Variants in DHX8 observed in about 807,000 individuals in gnomAD.
DHX8 encodes the protein DEAH-box helicase 8.
DHX8 carries 67 observed loss-of-function variants against 140.7 expected under a neutral mutation model. The observed-to-expected ratio is 0.48, with a 90% CI of 0.39 to 0.58. DHX8 has a LOEUF of 0.58. DHX8 is among the 20% of genes least tolerant of loss of function. The pLI is 0.00. For missense variants in DHX8, 887 were observed against 1,550.7 expected, an observed-to-expected ratio of 0.57 and a Z score of 7.19; for synonymous variants, 533 against 553.2, an observed-to-expected ratio of 0.96 and a Z score of 0.51.
chr17:43,500,549 A>G (rs1343148650), intron 11 of DHX8, among the ~76,000 whole-genome samples: 1 of 152,134 alleles, frequency 6.6e-6, no homozygotes, highest in East Asian at 1.9e-4. Flanking sequence ...TTTCTTAAAC[A>G]CATGTTTAAA....
Position 43,540,099 on chromosome 17 carries a change from C to T in DHX8, c.*20+3601C>T, listed in dbSNP as rs867941709. Among the ~76,000 whole-genome samples, 5 of 152,148 alleles carry T rather than the reference C, an allele frequency of 3.3e-5. No homozygotes were observed. In the South Asian group the frequency reaches 6.2e-4, roughly 19 times the overall value. On this transcript the variant is annotated intron_variant, in intron 3 of 3. Coordinates refer to the DHX8 transcript ENST00000589898. ...ACACATCTTTTCAGGAGCACAAACA[C>T]GGCAAAAAGACAACCATTCCCAAAC...
intron 10 of DHX8, among the ~76,000 whole-genome samples, 171 bp downstream of exon 10, chr17:43,499,130 A>T (rs952800040): frequency 1.3e-5 from 2 of 152,152 alleles, no homozygotes; most frequent in Non-Finnish European, 2.9e-5. Flanking sequence ...GGTTGGCTTT[A>T]TTGCTTTTGC....
chr17:43,484,302 C>G, intron 1 of DHX8, 117 bp downstream of exon 1: 1 of 1,279,586 alleles, frequency 7.8e-7, no homozygotes, highest in Non-Finnish European at 1.1e-6. Flanking sequence ...ATCTGTCTCT[C>G]TCTGTCGCAG....
chr17:43,513,348 C>T lies in DHX8; in HGVS notation c.2503-14C>T, dbSNP rs1243230018. On this transcript the variant is annotated splice_polypyrimidine_tract_variant and intron_variant, in intron 16 of 22. Coordinates refer to ENST00000262415, the MANE Select transcript of DHX8 (RefSeq NM_004941.3). ...CTGGGCACCTCACTCCAGCTTTGCC[C>T]CTCTTGCCTGCAGGTTGTGATTGCC... The T allele has an allele frequency of 1.9e-6, 3 of 1,611,436 alleles. No homozygotes were observed. Among genetic ancestry groups the T allele is most frequent in the East Asian group, 4.5e-5 (2 of 44,688 alleles).
chr17:43,492,690 AAAG>A lies in DHX8; in HGVS notation c.523_525del (p.Lys175del), dbSNP rs1190861468. On this transcript the variant is annotated inframe_deletion, in exon 6 of 23. Coordinates refer to ENST00000262415, the MANE Select transcript of DHX8 (RefSeq NM_004941.3). The stretch of plus-strand genomic sequence containing the variant: ...CTTATTGATTTGTTAGGGACAGGAC[AAAG>A]AAGAAGAAGCGGAGTCGAAGCCGAG... 7.7e-6 allele frequency: 12 copies of A among 1,559,874 alleles called. No homozygotes were observed. The highest frequency in any genetic ancestry group is 4.4e-5 in the South Asian group (4 of 89,998).
At chr17:43,500,852 A>G (rs1293179774) in intron 11 of DHX8, among the ~76,000 whole-genome samples, 2 of 152,102 alleles carry the variant, frequency 1.3e-5, no homozygotes, top group African/African-American at 4.8e-5. Context: ...CGGAGGTTGC[A>G]GTGAGCCAAG....
chr17:43,524,477 A>T lies in DHX8; in HGVS notation c.*630A>T, dbSNP rs1221419050. On this transcript the variant is annotated 3_prime_UTR_variant, in exon 23 of 23. Coordinates refer to ENST00000262415, the MANE Select transcript of DHX8 (RefSeq NM_004941.3). ...CAGGGCCTCTTTGCGCTCGGAAACG[A>T]CGTACAACCCAGACTTCCAGCCTTG... The T allele has an allele frequency of 1.0e-6, 1 of 987,462 alleles. No individual in the cohort carries two copies. Among genetic ancestry groups the T allele is most frequent in the African/African-American group, 1.7e-5 (1 of 57,212 alleles). 61.2% of individuals were successfully genotyped at this position (987,462 alleles called of 1,614,324 possible).
At chr17:43,516,017 T>G (rs1483093886) in intron 17 of DHX8, among the ~76,000 whole-genome samples, 2 of 152,168 alleles carry the variant, frequency 1.3e-5, no homozygotes, top group African/African-American at 4.8e-5. Context: ...AAGTAGTGTT[T>G]TATTATTTTT....
intron 17 of DHX8, among the ~76,000 whole-genome samples, 173 bp downstream of exon 17, chr17:43,513,675 C>T (rs897768573): frequency 1.3e-5 from 2 of 150,192 alleles, no homozygotes; most frequent in Non-Finnish European, 1.5e-5. Context: ...CTTTTTTTAT[C>T]CCTGAAGTCT....
chr17:43,487,769 G>C (rs1262080863), intron 1 of DHX8, among the ~76,000 whole-genome samples: 4 of 152,104 alleles, frequency 2.6e-5, no homozygotes, highest in Non-Finnish European at 2.9e-5. Context: ...CTGAGGTCAG[G>C]AGTTCAAGAC....
intron 21 of DHX8, 121 bp downstream of exon 21, chr17:43,521,686 C>G (rs1354229725): frequency 7.3e-6 from 7 of 959,136 alleles, no homozygotes; most frequent in Non-Finnish European, 1.1e-5. Flanking sequence ...TCACATAACC[C>G]TTTTCCTCCA....
At chr17:43,532,935 C>A in intron 2 of DHX8, 1 of 1,564,992 alleles carries the variant, frequency 6.4e-7, no homozygotes, top group Non-Finnish European at 8.7e-7. Flanking sequence ...TGCTGGAAGA[C>A]GGAGCTGGAT....
chr17:43,538,214 G>A (rs1434483400), intron 3 of DHX8, among the ~76,000 whole-genome samples: 2 of 151,916 alleles, frequency 1.3e-5, no homozygotes, highest in Non-Finnish European at 2.9e-5. Context: ...GGCTGAGACA[G>A]GAGAATAACT....
At chr17:43,542,117 C>A (rs796881715) in intron 3 of DHX8, among the ~76,000 whole-genome samples, 8 of 152,152 alleles carry the variant, frequency 5.3e-5, no homozygotes, top group African/African-American at 1.9e-4. Context: ...GGACTGGAGC[C>A]CTTGGAGGAG....
intron 2 of DHX8, among the ~76,000 whole-genome samples, chr17:43,534,488 C>T (rs1052681692): frequency 9.2e-5 from 14 of 151,922 alleles, no homozygotes; most frequent in Non-Finnish European, 1.9e-4. Context: ...AGCGAGACTC[C>T]GTCTCAAAAA....
At chr17:43,514,409 C>T (rs771914556) in intron 17 of DHX8, among the ~76,000 whole-genome samples, 2 of 151,856 alleles carry the variant, frequency 1.3e-5, no homozygotes, top group Non-Finnish European at 2.9e-5. Flanking sequence ...ATCCTAGTAC[C>T]CTATATTACC....
At position 43,506,990 on chromosome 17, in the gene DHX8, C is replaced by G; in HGVS notation, c.1729-13C>G. 1 of 1,561,442 alleles carries G rather than the reference C, an allele frequency of 6.4e-7. No homozygotes were observed. Among genetic ancestry groups the G allele is most frequent in the Non-Finnish European group, 8.7e-7 (1 of 1,152,586 alleles). On this transcript the variant is annotated splice_polypyrimidine_tract_variant and intron_variant, in intron 12 of 22. Transcript: ENST00000262415. Reference sequence around the variant, plus strand: ...AGATTTTAATGACCATATTTATATTCTGTTGCTTTCAGGCCGTCCATGACA... The same window carrying G: ...AGATTTTAATGACCATATTTATATTGTGTTGCTTTCAGGCCGTCCATGACA...
chr17:43,521,704 C>T (rs898977580), intron 21 of DHX8, 139 bp downstream of exon 21: 2 of 830,136 alleles, frequency 2.4e-6, no homozygotes. Flanking sequence ...CCAGCTTTTC[C>T]ATCTTTGTTA....
At chr17:43,526,135 G>A (rs543097976), downstream of DHX8, 33 of 984,096 alleles carry the variant, frequency 3.4e-5, no homozygotes, top group African/African-American at 5.1e-4. Context: ...GAGGGAGAAG[G>A]GGGGGGTCCT....
Sources: allele counts gnomAD v4.1 joint callset (sites outside exome capture counted in the v4.1 genomes callset), GRCh38; gene constraint gnomAD v4.1.1; transcripts MANE v1.5; gene names NCBI Gene and HGNC (gene_info 2026-07-23, HGNC 2026-07-21).